Variants in TEK observed in about 807,000 individuals in gnomAD.
The protein encoded by TEK is TEK receptor tyrosine kinase.
A neutral mutation model predicts 131.8 loss-of-function variants in TEK; 43 were observed. The observed-to-expected ratio is 0.33, with a 90% CI of 0.26 to 0.42. The LOEUF (loss-of-function observed/expected upper bound fraction) is 0.42. Among genes scored for constraint, TEK ranks in the 10% least tolerant of loss-of-function variants. The pLI is 1.00. For missense variants in TEK, 1,162 were observed against 1,384.4 expected (o/e 0.84, Z 2.55); for synonymous variants, 580 against 491.6 (o/e 1.18, Z -2.38).
chr9:27,173,477 T>A, intron 6 of TEK, 115 bp downstream of exon 6: 1 of 1,274,142 alleles, frequency 7.8e-7, no homozygotes, highest in Non-Finnish European at 1.1e-6. Context: ...TACCCACTAC[T>A]GGACAACAGG....
chr9:27,161,113 T>C (rs1376602922), intron 2 of TEK, among the ~76,000 whole-genome samples: 1 of 152,158 alleles, frequency 6.6e-6, no homozygotes, highest in Non-Finnish European at 1.5e-5. Context: ...GACCAGAACA[T>C]TGGGAGTTAA....
intron 6 of TEK, among the ~76,000 whole-genome samples, chr9:27,174,020 T>G (rs1168984773): frequency 6.6e-6 from 1 of 152,114 alleles, no homozygotes; most frequent in Non-Finnish European, 1.5e-5. Flanking sequence ...TTACCTGCCG[T>G]GGACCTTATG....
chr9:27,169,726 CA>C, intron 4 of TEK, 97 bp downstream of exon 4: 3 of 1,546,204 alleles, frequency 1.9e-6, no homozygotes, highest in Middle Eastern at 2.1e-4. Flanking sequence ...GCTTCTTAAG[CA>C]AAAACCAGGC....
At position 27,109,415 on chromosome 9, in the gene TEK, C is replaced by T; in HGVS notation, c.-176C>T. ...AAAGGAACTTAAAACTCCCTGTGCT[C>T]AGACAGAAATGAGACTGTTACAGCC... On this transcript the variant is annotated 5_prime_UTR_variant, in exon 1 of 23. Transcript: ENST00000380036. 5.6e-6 allele frequency: 4 copies of T among 717,528 alleles called. No homozygotes were observed. The highest frequency in any genetic ancestry group is 1.0e-5 in the Non-Finnish European group (4 of 399,998). 44.4% of individuals were successfully genotyped at this position (717,528 alleles called of 1,614,324 possible). A position where few individuals can be genotyped will look rare whatever the true frequency, so the allele number is the denominator to read the frequency against.
Position 27,190,537 on chromosome 9 carries a change from A to G in TEK, c.1336A>G (p.Lys446Glu). The G allele has an allele frequency of 6.2e-7, 1 of 1,614,026 alleles. No homozygotes were observed. The highest frequency in any genetic ancestry group is 8.5e-7 in the Non-Finnish European group (1 of 1,179,916). The change falls in exon 10 of 23, where the codon AAG becomes GAG. Residue 446 changes from lysine to glutamate, a missense_variant. This residue lies in a region of TEK where 477 missense variants were observed against 471.0 expected (regional missense o/e 1.01). Transcript: ENST00000380036. ...PFNISVKVLP[K>E]PLNAPNVIDT... ...TCTGAAATTGTATTTAGTTCTTCCA[A>G]AGCCCCTGAATGCCCCAAACGTGAT...
chr9:27,172,568 T>C (rs1328559426), intron 4 of TEK, 48 bp from the exon 5 acceptor site: 1 of 1,610,264 alleles, frequency 6.2e-7, no homozygotes, highest in Admixed American at 1.7e-5. Flanking sequence ...AAAGATGTGT[T>C]GAGCGAATGC....
At chr9:27,184,733 G>A (rs1353413054) in intron 8 of TEK, among the ~76,000 whole-genome samples, 3 of 152,012 alleles carry the variant, frequency 2.0e-5, no homozygotes, top group Non-Finnish European at 4.4e-5. Flanking sequence ...AGTAACTAAG[G>A]AATTGGTCAA....
At chr9:27,163,067 T>A (rs571949738) in intron 2 of TEK, among the ~76,000 whole-genome samples, 1 of 152,368 alleles carries the variant, frequency 6.6e-6, no homozygotes, top group Admixed American at 6.5e-5. Context: ...TGAATACTTG[T>A]ATGCCTGACA....
intron 4 of TEK, among the ~76,000 whole-genome samples, chr9:27,170,051 A>G: frequency 6.6e-6 from 1 of 152,170 alleles, no homozygotes. Context: ...AATCATGGCA[A>G]AAGAGGAAGC....
intron 14 of TEK, 69 bp from the exon 15 acceptor site, chr9:27,206,513 A>G: frequency 3.3e-6 from 5 of 1,508,158 alleles, no homozygotes; most frequent in Non-Finnish European, 4.5e-6. Context: ...GATGCCAACC[A>G]GAAGACATTA....
chr9:27,145,047 A>G lies in TEK; in HGVS notation c.53-12784A>G, dbSNP rs563571026. 3.9e-5 allele frequency among the ~76,000 whole-genome samples: 6 copies of G among 152,280 alleles called. No individual in the cohort carries two copies. The East Asian group carries it at 1.2e-3, about 29-fold the overall frequency. On this transcript the variant is annotated intron_variant, in intron 1 of 22. Transcript: ENST00000380036. ...TGGGGGTTCTTGGGCTTAGAGACAC[A>G]TATGTGGGCTCTTTGGGTTAGGTTA...
chr9:27,125,160 T>C (rs984466654), intron 1 of TEK, among the ~76,000 whole-genome samples: 22 of 152,182 alleles, frequency 1.4e-4, no homozygotes, highest in African/African-American at 5.1e-4. Flanking sequence ...TGCCAAGAGA[T>C]GTGGAGCTGG....
intron 7 of TEK, among the ~76,000 whole-genome samples, chr9:27,183,109 G>A (rs1450604875): frequency 6.6e-6 from 1 of 152,158 alleles, no homozygotes; most frequent in Non-Finnish European, 1.5e-5. Flanking sequence ...AAGAAAGAGG[G>A]GGATTGAACA....
chr9:27,139,223 A>C (rs1025008122), intron 1 of TEK, among the ~76,000 whole-genome samples: 1 of 150,230 alleles, frequency 6.7e-6, no homozygotes, highest in African/African-American at 2.4e-5. Context: ...AAAAAAAAAA[A>C]AACAGTAGGA....
chr9:27,114,010 C>G (rs993756893), intron 1 of TEK, among the ~76,000 whole-genome samples: 1 of 152,246 alleles, frequency 6.6e-6, no homozygotes, highest in Non-Finnish European at 1.5e-5. Flanking sequence ...CCAACTCTTC[C>G]TCCTGATGTT....
chr9:27,140,130 T>C (rs1587506918), intron 1 of TEK, among the ~76,000 whole-genome samples: 1 of 152,204 alleles, frequency 6.6e-6, no homozygotes, highest in African/African-American at 2.4e-5. Flanking sequence ...ACCAAACTTA[T>C]TTAAGTTAGG....
In TEK at chr9:27,230,026, C is replaced by A. The variant is rs1826503320; in HGVS notation, c.*794C>A. On this transcript the variant is annotated 3_prime_UTR_variant, in exon 23 of 23. Coordinates refer to ENST00000380036, the MANE Select transcript of TEK (RefSeq NM_000459.5). ...TGGGTGACATTTGGGAGACATGTGA[C>A]ATTTATATATTGAATTAATATCCCT... 6.6e-6 allele frequency: 1 copy of A among 152,158 alleles called. No homozygotes were observed. Among genetic ancestry groups the A allele is most frequent in the African/African-American group, 2.4e-5 (1 of 41,388 alleles). The allele number at this position is 152,158 out of a possible 1,614,324, so 9.4% of individuals were successfully genotyped here.
chr9:27,113,451 G>A (rs1183024763), intron 1 of TEK, among the ~76,000 whole-genome samples: 1 of 152,132 alleles, frequency 6.6e-6, no homozygotes, highest in East Asian at 1.9e-4. Context: ...AGCAAGGTGT[G>A]GTGGTGTGTG....
At position 27,215,621 on chromosome 9, in the gene TEK, C is replaced by T. The variant is rs542858108; in HGVS notation, c.2991+2024C>T. On this transcript the variant is annotated intron_variant, in intron 18 of 22. Coordinates refer to ENST00000380036, the MANE Select transcript of TEK (RefSeq NM_000459.5). ...TTAATACTGGAAGTATTACTGCAAACTACTATACTAAGCAATTTGGGGTTT... is the reference window on the plus strand; with the variant it reads ...TTAATACTGGAAGTATTACTGCAAATTACTATACTAAGCAATTTGGGGTTT... 1.3e-3 allele frequency among the ~76,000 whole-genome samples: 189 copies of T among 148,706 alleles called. 6 individuals are homozygous for T. The South Asian group carries it at 0.039, about 30-fold the overall frequency.
Sources: allele counts gnomAD v4.1 joint callset (sites outside exome capture counted in the v4.1 genomes callset), GRCh38; gene constraint gnomAD v4.1.1; regional missense constraint gnomAD v4.1.1; transcripts MANE v1.5; gene names NCBI Gene and HGNC (gene_info 2026-07-23, HGNC 2026-07-21).